CNTNAP2: variants seen among roughly 807,000 people sequenced by gnomAD.
The protein encoded by CNTNAP2 is contactin-associated protein-like 2.
CNTNAP2 carries 98 observed loss-of-function variants against 155.2 expected under a neutral mutation model. The ratio of observed to expected loss-of-function variants is 0.63; its 90% CI spans 0.54 to 0.75. The LOEUF (loss-of-function observed/expected upper bound fraction) is 0.75. CNTNAP2 is among the 30% of genes least tolerant of loss of function. The pLI is 0.00. For missense variants in CNTNAP2, 1,727 were observed against 1,688.1 expected, an observed-to-expected ratio of 1.02 and a Z score of -0.40; for synonymous variants, 651 against 631.2, an observed-to-expected ratio of 1.03 and a Z score of -0.47.
chr7:148,068,867 T>A (rs1803320655), intron 15 of CNTNAP2, among the ~76,000 whole-genome samples: 1 of 152,198 alleles, frequency 6.6e-6, no homozygotes, highest in African/African-American at 2.4e-5. Flanking sequence ...ATTGGTACCT[T>A]GCTGAAGACT....
intron 8 of CNTNAP2, among the ~76,000 whole-genome samples, chr7:147,159,912 A>G (rs563451696): frequency 1.1e-4 from 17 of 151,854 alleles, no homozygotes; most frequent in African/African-American, 4.1e-4. Context: ...TATGAATCAT[A>G]CTTTTTTATA....
At position 146,900,810 on chromosome 7, in the gene CNTNAP2, GCT is replaced by G. The variant is rs1241932056; in HGVS notation, c.402+60913_402+60914del. Among the ~76,000 whole-genome samples, 4 of 152,134 alleles carry G rather than the reference GCT, an allele frequency of 2.6e-5. No individual in the cohort carries two copies. In the East Asian group the frequency reaches 7.7e-4, roughly 29 times the overall value. The stretch of plus-strand genomic sequence containing the variant: ...TTCATTACACTCCTATGCTCACTTG[GCT>G]CTCTCTTCTACCTGCACCGAGTCTC... On this transcript the variant is annotated intron_variant, in intron 3 of 23. Coordinates refer to ENST00000361727, the MANE Select transcript of CNTNAP2 (RefSeq NM_014141.6).
chr7:147,886,886 C>T (rs17170728), intron 13 of CNTNAP2, among the ~76,000 whole-genome samples: 6,010 of 152,232 alleles, frequency 0.039, 385 homozygotes, highest in African/African-American at 0.14. Flanking sequence ...TGAAACCAAG[C>T]ATTTACCACT....
intron 15 of CNTNAP2, among the ~76,000 whole-genome samples, chr7:147,979,921 C>G (rs1450263999): frequency 6.6e-6 from 1 of 152,054 alleles, no homozygotes; most frequent in Non-Finnish European, 1.5e-5. Flanking sequence ...CTGTGCCCAG[C>G]CTTCTGCAAA....
At chr7:147,004,061 G>T (rs1237168887) in intron 3 of CNTNAP2, among the ~76,000 whole-genome samples, 1 of 151,682 alleles carries the variant, frequency 6.6e-6, no homozygotes, top group African/African-American at 2.4e-5. Flanking sequence ...CTTTGTTTTT[G>T]CTTGTTAATT....
At chr7:146,589,907 A>C (rs936177367) in intron 1 of CNTNAP2, among the ~76,000 whole-genome samples, 3 of 152,196 alleles carry the variant, frequency 2.0e-5, no homozygotes, top group Admixed American at 6.6e-5. Context: ...ATAGTATACC[A>C]GGAAGAGAAA....
intron 1 of CNTNAP2, among the ~76,000 whole-genome samples, chr7:146,654,752 C>T (rs1038309190): frequency 6.6e-6 from 1 of 151,986 alleles, no homozygotes; most frequent in African/African-American, 2.4e-5. Context: ...GTTATAGAAA[C>T]AGTTATTTTA....
chr7:146,234,963 G>A lies in CNTNAP2; in HGVS notation c.97+117990G>A, dbSNP rs113762518. ...AATGATTTTATTTATTCCTTGGAGA[G>A]GTGGATCCGTACACAATAAGCATTT... On this transcript the variant is annotated intron_variant, in intron 1 of 23. Transcript: ENST00000361727. Among the ~76,000 whole-genome samples, 362 of 152,214 alleles carry A rather than the reference G, an allele frequency of 2.4e-3. 4 individuals are homozygous for A. The highest frequency in any genetic ancestry group is 8.4e-3 in the African/African-American group (347 of 41,520).
intron 11 of CNTNAP2, among the ~76,000 whole-genome samples, chr7:147,537,131 A>C (rs1014668934): frequency 6.6e-6 from 1 of 152,230 alleles, no homozygotes; most frequent in African/African-American, 2.4e-5. Flanking sequence ...TGTGGAAAGA[A>C]CCATGCTGGT....
At chr7:147,672,241 A>T (rs1795799309) in intron 13 of CNTNAP2, 1 of 152,194 alleles carries the variant, frequency 6.6e-6, no homozygotes, top group Admixed American at 6.5e-5. Context: ...AATCAGAATT[A>T]CCACAAATGA....
intron 3 of CNTNAP2, among the ~76,000 whole-genome samples, chr7:146,849,721 C>T (rs1043154755): frequency 1.3e-5 from 2 of 152,188 alleles, no homozygotes; most frequent in Non-Finnish European, 2.9e-5. Flanking sequence ...CTCTTCTTAT[C>T]GTCCTCTTGT....
intron 15 of CNTNAP2, among the ~76,000 whole-genome samples, chr7:148,069,203 G>A (rs772923639): frequency 1.3e-5 from 2 of 152,136 alleles, no homozygotes; most frequent in Non-Finnish European, 2.9e-5. Flanking sequence ...CTCCTTCTCG[G>A]CTGGAAGTAG....
At chr7:147,398,237 C>T (rs1796852545) in intron 10 of CNTNAP2, among the ~76,000 whole-genome samples, 1 of 151,862 alleles carries the variant, frequency 6.6e-6, no homozygotes, top group Admixed American at 6.6e-5. Flanking sequence ...AATGATACAC[C>T]CCTAGCACAT....
At chr7:147,873,648 C>A (rs1323598403) in intron 13 of CNTNAP2, among the ~76,000 whole-genome samples, 3 of 152,158 alleles carry the variant, frequency 2.0e-5, no homozygotes, top group Non-Finnish European at 2.9e-5. Context: ...CAAACTATAT[C>A]ATTCTGCCCC....
rs200246171 is a variant in CNTNAP2 at position 148,061,894 on chromosome 7, GATAGATAGATAGATAGATAAACAGAT to G, written c.2384-56204_2384-56179del. Among the ~76,000 whole-genome samples the G allele has an allele frequency of 6.2e-3, 843 of 135,106 alleles. 12 individuals are homozygous for G. Among genetic ancestry groups the G allele is most frequent in the Middle Eastern group, 0.011 (3 of 278 alleles). The allele number at this position is 135,106 out of a possible 152,430, so 88.6% of individuals were successfully genotyped here. On this transcript the variant is annotated intron_variant, in intron 15 of 23. Transcript: ENST00000361727. Reference sequence around the variant, plus strand: ...ATAAACAGATATAGATAGATAGATAGATAGATAGATAGATAGATAAACAGATATAGATAGATAGATAGATAGATAGA... The same window carrying G: ...ATAAACAGATATAGATAGATAGATAGATAGATAGATAGATAGATAGATAGA...
Position 147,408,060 on chromosome 7 carries a change from A to T in CNTNAP2, c.1670+12280A>T, listed in dbSNP as rs1040629517. Among the ~76,000 whole-genome samples the T allele has an allele frequency of 2.0e-5, 3 of 152,230 alleles. No homozygotes were observed. The South Asian group carries it at 6.2e-4, about 32-fold the overall frequency. On this transcript the variant is annotated intron_variant, in intron 10 of 23. Coordinates refer to ENST00000361727, the MANE Select transcript of CNTNAP2 (RefSeq NM_014141.6). ...TTATCCATTCATTCTACAATGTTTCATTGATTGCATACCATGTGTCCAAGG... is the reference window on the plus strand; with the variant it reads ...TTATCCATTCATTCTACAATGTTTCTTTGATTGCATACCATGTGTCCAAGG...
chr7:147,225,072 T>A (rs1394291939), intron 8 of CNTNAP2, among the ~76,000 whole-genome samples: 1 of 152,160 alleles, frequency 6.6e-6, no homozygotes, highest in African/African-American at 2.4e-5. Flanking sequence ...TTACTTGCAG[T>A]TAAGTAAAAC....
intron 12 of CNTNAP2, among the ~76,000 whole-genome samples, chr7:147,569,195 G>C (rs1261387430): frequency 6.6e-6 from 1 of 152,034 alleles, no homozygotes; most frequent in Non-Finnish European, 1.5e-5. Flanking sequence ...TATTTATAGA[G>C]AGCTTGTAAC....
At chr7:147,603,315 C>T (rs1800992860) in intron 12 of CNTNAP2, among the ~76,000 whole-genome samples, 4 of 152,056 alleles carry the variant, frequency 2.6e-5, no homozygotes, top group Admixed American at 2.0e-4. Flanking sequence ...TATCCTTTGC[C>T]CACTTGTTGA....
Sources: gnomAD v4.1 joint callset for allele counts (sites outside exome capture counted in the v4.1 genomes callset) on GRCh38, gnomAD v4.1.1 for gene constraint, MANE v1.5 for transcripts, NCBI Gene and HGNC (gene_info 2026-07-23, HGNC 2026-07-21) for gene names.